Variants in PIWIL4 observed in about 807,000 individuals in gnomAD.
PIWIL4 encodes piwi like RNA-mediated gene silencing 4.
In PIWIL4, 50 loss-of-function variants were observed where a neutral mutation model predicts 100.9. The observed-to-expected ratio is 0.50, with a 90% CI of 0.39 to 0.63. The LOEUF is 0.63. PIWIL4 is among the 20% of genes least tolerant of loss of function. The pLI is 0.00. For synonymous variants in PIWIL4, 342 were observed against 367.5 expected (o/e 0.93, Z 0.79); for missense variants, 887 against 1,043.3 (o/e 0.85, Z 2.06).
At chr11:94,576,427 C>A (rs927083975) in intron 3 of PIWIL4, among the ~76,000 whole-genome samples, 1 of 152,180 alleles carries the variant, frequency 6.6e-6, no homozygotes, top group Non-Finnish European at 1.5e-5. Context: ...AGCCACCGTG[C>A]CCAGCCTCTA....
chr11:94,620,800 CAAAGT>C, intron 19 of PIWIL4, 71 bp from the exon 20 acceptor site: 1 of 1,130,284 alleles, frequency 8.8e-7, no homozygotes, highest in Non-Finnish European at 1.3e-6. Flanking sequence ...AACCAGTAGA[CAAAGT>C]AAAATCAGAA....
rs1370340268 is a variant in PIWIL4, at chr11:94,607,566, T to G, written c.1766T>G (p.Met589Arg). Reference sequence around the variant, plus strand: ...ACCTTGAATAAACAGGGCATGATGATGAGTATCGCCACCAAGATCGCTATG... The same window carrying G: ...ACCTTGAATAAACAGGGCATGATGAGGAGTATCGCCACCAAGATCGCTATG... Reference protein sequence around the residue: ...ARTLNKQGMMMSIATKIAMQM... With the variant: ...ARTLNKQGMMRSIATKIAMQM... Residue 589 changes from methionine (M) to arginine (R), a missense_variant, in exon 14 of 20, where the codon ATG (methionine) becomes AGG (arginine). By Grantham distance (91) the Met-to-Arg change is moderately conservative. This residue lies in a region of PIWIL4 where 741 missense variants were observed against 930.0 expected (regional missense o/e 0.80). Transcript: ENST00000299001. The G allele has an allele frequency of 6.2e-7, 1 of 1,614,128 alleles. No homozygotes were observed. The highest frequency in any genetic ancestry group is 1.1e-5 in the South Asian group (1 of 91,078).
chr11:94,571,619 C>G (rs184646565), intron 2 of PIWIL4, among the ~76,000 whole-genome samples: 1 of 152,320 alleles, frequency 6.6e-6, no homozygotes, highest in East Asian at 1.9e-4. Context: ...ATGAACTCAT[C>G]CTTTTTTATG....
Position 94,621,117 on chromosome 11 carries a change from G to A in PIWIL4, c.*125G>A. On this transcript the variant is annotated 3_prime_UTR_variant, in exon 20 of 20. Coordinates refer to ENST00000299001, the MANE Select transcript of PIWIL4 (RefSeq NM_152431.3). The stretch of plus-strand genomic sequence containing the variant: ...GATTGAGCTTAGTTTTCATGTCTAG[G>A]AAAAAAAGCAAAACAACTTAATCTG... 3.2e-6 allele frequency: 2 copies of A among 624,934 alleles called. No individual in the cohort carries two copies. The highest frequency in any genetic ancestry group is 2.6e-5 in the South Asian group (1 of 39,062). The allele number at this position is 624,934 out of a possible 1,614,324, so 38.7% of individuals were successfully genotyped here. A position where few individuals can be genotyped will look rare whatever the true frequency, so the allele number is the denominator to read the frequency against.
chr11:94,614,019 C>T (rs1948815465), intron 15 of PIWIL4, among the ~76,000 whole-genome samples: 1 of 152,118 alleles, frequency 6.6e-6, no homozygotes, highest in Non-Finnish European at 1.5e-5. Context: ...GCCTCAGCCT[C>T]CCAAAGTGCT....
intron 8 of PIWIL4, among the ~76,000 whole-genome samples, chr11:94,589,478 C>G (rs544306278): frequency 2.0e-5 from 3 of 152,188 alleles, no homozygotes; most frequent in Non-Finnish European, 2.9e-5. Flanking sequence ...CTGCTCGCAA[C>G]GCTAATACAT....
At position 94,595,380 on chromosome 11, in the gene PIWIL4, T is replaced by G; in HGVS notation, c.1222T>G (p.Ser408Ala). ...AVAEKTRLSPSGRQQRLARLV... is the reference protein window; with the variant it reads ...AVAEKTRLSPAGRQQRLARLV... ...GGCTGAAAAGACACGTCTCAGTCCTTCAGGCCGGCAGCAGCGCCTGGCCAG... is the reference window on the plus strand; with the variant it reads ...GGCTGAAAAGACACGTCTCAGTCCTGCAGGCCGGCAGCAGCGCCTGGCCAG... The change falls in exon 10 of 20, where the codon TCA becomes GCA. Residue 408 changes from serine (S) to alanine (A), a missense_variant. Ser to Ala is a moderately conservative substitution (Grantham distance 99). Coordinates refer to ENST00000299001, the MANE Select transcript of PIWIL4 (RefSeq NM_152431.3). 6.2e-7 allele frequency: 1 copy of G among 1,614,024 alleles called. No individual in the cohort carries two copies. The highest frequency in any genetic ancestry group is 8.5e-7 in the Non-Finnish European group (1 of 1,179,872).
At chr11:94,601,270 T>C (rs769867752) in intron 11 of PIWIL4, among the ~76,000 whole-genome samples, 2 of 152,134 alleles carry the variant, frequency 1.3e-5, no homozygotes, top group South Asian at 2.1e-4. Flanking sequence ...ATCTTCACAA[T>C]CCATGTTCTT....
At chr11:94,599,501 A>C (rs1049172187) in intron 11 of PIWIL4, among the ~76,000 whole-genome samples, 4 of 152,238 alleles carry the variant, frequency 2.6e-5, no homozygotes, top group African/African-American at 9.6e-5. Flanking sequence ...AGACAACAGC[A>C]GGAAGAAATG....
intron 15 of PIWIL4, among the ~76,000 whole-genome samples, chr11:94,610,490 C>T (rs1327853376): frequency 6.6e-6 from 1 of 151,978 alleles, no homozygotes; most frequent in Non-Finnish European, 1.5e-5. Flanking sequence ...CCCATTTTTC[C>T]ACATTCTCCC....
At chr11:94,574,884 G>T (rs1433479801) in intron 2 of PIWIL4, 115 bp from the exon 3 acceptor site, 3 of 1,085,678 alleles carry the variant, frequency 2.8e-6, no homozygotes, top group Non-Finnish European at 4.0e-6. Context: ...AGCAATATGG[G>T]CAAACTGTAT....
At chr11:94,576,353 C>T (rs1464820908) in intron 3 of PIWIL4, among the ~76,000 whole-genome samples, 1 of 152,122 alleles carries the variant, frequency 6.6e-6, no homozygotes, top group African/African-American at 2.4e-5. Context: ...AGGCTGGTCT[C>T]GAACTCCTGG....
chr11:94,619,969 C>T, intron 18 of PIWIL4, 28 bp from the exon 19 acceptor site: 1 of 1,614,146 alleles, frequency 6.2e-7, no homozygotes, highest in South Asian at 1.1e-5. Flanking sequence ...TGCCTTCTTT[C>T]CTACATTCAT....
At chr11:94,582,327 C>T (rs1948331833) in intron 4 of PIWIL4, among the ~76,000 whole-genome samples, 1 of 152,176 alleles carries the variant, frequency 6.6e-6, no homozygotes, top group African/African-American at 2.4e-5. Flanking sequence ...TGAGCTCTTT[C>T]TATAGCTGTC....
Position 94,567,532 on chromosome 11 carries a change from C to A in PIWIL4, c.14C>A (p.Ala5Asp). The A allele has an allele frequency of 6.2e-7, 1 of 1,600,244 alleles. No individual in the cohort carries two copies. The highest frequency in any genetic ancestry group is 8.5e-7 in the Non-Finnish European group (1 of 1,173,738). Residue 5 changes from alanine (A) to aspartate (D), a missense_variant, in exon 1 of 20, where the codon GCC becomes GAC. Ala to Asp is a moderately radical substitution (Grantham distance 126). This residue lies in a region of PIWIL4 where 146 missense variants were observed against 113.4 expected (regional missense o/e 1.29). Coordinates refer to ENST00000299001, the MANE Select transcript of PIWIL4 (RefSeq NM_152431.3). Reference protein sequence around the residue: MSGRARVKARGIARS... With the variant: MSGRDRVKARGIARS... ...CTCACCGGGAACATGAGTGGAAGAGCCCGAGTGAAGGCCAGAGGCATCGCC... is the reference window on the plus strand; with the variant it reads ...CTCACCGGGAACATGAGTGGAAGAGACCGAGTGAAGGCCAGAGGCATCGCC...
At position 94,572,276 on chromosome 11, in the gene PIWIL4, G is replaced by T. The variant is rs368451890; in HGVS notation, c.167-2723G>T. On this transcript the variant is annotated intron_variant, in intron 2 of 19. Transcript: ENST00000299001. Reference sequence around the variant, plus strand: ...TGATGGTAGTTTCTTTTGCTGTGCAGAAGCTCTTTAGTTTCATTAGATCCC... The same window carrying T: ...TGATGGTAGTTTCTTTTGCTGTGCATAAGCTCTTTAGTTTCATTAGATCCC... Among the ~76,000 whole-genome samples the T allele has an allele frequency of 2.9e-4, 44 of 152,312 alleles. No homozygotes were observed. In the East Asian group the frequency reaches 7.5e-3, roughly 26 times the overall value.
At chr11:94,608,553 C>G in intron 14 of PIWIL4, 30 bp from the exon 15 acceptor site, 1 of 1,563,934 alleles carries the variant, frequency 6.4e-7, no homozygotes, top group Non-Finnish European at 8.8e-7. Context: ...TACCTCATCC[C>G]ATTAAATCAT....
At chr11:94,609,647 AATTT>A (rs1050776042) in intron 15 of PIWIL4, among the ~76,000 whole-genome samples, 1 of 152,134 alleles carries the variant, frequency 6.6e-6, no homozygotes, top group Admixed American at 6.5e-5. Context: ...GTATATCTAA[AATTT>A]ATTTTGATAT....
rs1275642168 is a variant in PIWIL4, at chr11:94,620,926, T to G, written c.2493T>G (p.Phe831Leu). Residue 831 changes from phenylalanine (F) to leucine (L), a missense_variant, in exon 20 of 20, where the codon TTT becomes TTG. By Grantham distance (22) the Phe-to-Leu change is conservative. Coordinates refer to ENST00000299001, the MANE Select transcript of PIWIL4 (RefSeq NM_152431.3). ...GTCAGTATGCTCACAAGCTGACCTT[T>G]CTGGTGGCACAAAGCATTCATAAAG... ...APCQYAHKLT[F>L]LVAQSIHKEP... The G allele has an allele frequency of 6.2e-7, 1 of 1,613,960 alleles. No homozygotes were observed. Among genetic ancestry groups the G allele is most frequent in the East Asian group, 2.2e-5 (1 of 44,876 alleles).
Sources: gnomAD v4.1 joint callset for allele counts (sites outside exome capture counted in the v4.1 genomes callset) on GRCh38, gnomAD v4.1.1 for gene constraint, gnomAD v4.1.1 regional missense constraint, MANE v1.5 for transcripts, NCBI Gene and HGNC (gene_info 2026-07-23, HGNC 2026-07-21) for gene names.